The following KIF13B variants were observed in gnomAD, a reference collection of about 807,000 sequenced individuals.
KIF13B encodes the protein kinesin-like protein KIF13B.
In KIF13B, 127 loss-of-function variants were observed where a neutral mutation model predicts 222.0. The observed-to-expected ratio is 0.57, with a 90% CI of 0.50 to 0.66. KIF13B has a LOEUF of 0.66. KIF13B is among the 30% of genes least tolerant of loss of function. The probability of loss-of-function intolerance (pLI) is 0.00; values close to 1 mark genes in which losing one functional copy is unlikely to be tolerated. For synonymous variants in KIF13B, 976 were observed against 919.0 expected (o/e 1.06, Z -1.12); for missense variants, 2,173 against 2,379.0 (o/e 0.91, Z 1.80).
chr8:29,074,580 C>T (rs1807464635), intron 38 of KIF13B, among the ~76,000 whole-genome samples: 1 of 152,232 alleles, frequency 6.6e-6, no homozygotes, highest in Non-Finnish European at 1.5e-5. Context: ...ATCCTGCTGA[C>T]CAGGGACACT....
chr8:29,145,073 C>A (rs1204593571), intron 18 of KIF13B, among the ~76,000 whole-genome samples: 1 of 152,174 alleles, frequency 6.6e-6, no homozygotes, highest in Non-Finnish European at 1.5e-5. Context: ...AGAAACTAGG[C>A]CCTGAACCTT....
intron 1 of KIF13B, among the ~76,000 whole-genome samples, chr8:29,246,375 C>G (rs1440128421): frequency 1.3e-5 from 2 of 150,354 alleles, no homozygotes; most frequent in Non-Finnish European, 2.9e-5. Flanking sequence ...AAAACTCTGT[C>G]TCGGGGGAAA....
intron 31 of KIF13B, 41 bp downstream of exon 31, chr8:29,116,790 C>A: frequency 6.4e-7 from 1 of 1,558,350 alleles, no homozygotes; most frequent in Non-Finnish European, 8.7e-7. Flanking sequence ...ACCCTCAGGT[C>A]GCAACTGTGG....
chr8:29,079,326 G>T (rs1329130977), intron 37 of KIF13B, among the ~76,000 whole-genome samples: 2 of 152,130 alleles, frequency 1.3e-5, no homozygotes, highest in African/African-American at 4.8e-5. Flanking sequence ...GCGCCCACCG[G>T]CTTCGCTGTG....
At chr8:29,083,227 T>A (rs1380197668) in intron 37 of KIF13B, among the ~76,000 whole-genome samples, 1 of 152,180 alleles carries the variant, frequency 6.6e-6, no homozygotes, top group African/African-American at 2.4e-5. Flanking sequence ...ATCAAAAGAA[T>A]ATTTCATAAC....
Position 29,092,786 on chromosome 8 carries a change from C to G in KIF13B, c.4417G>C (p.Asp1473His). The change falls in exon 37 of 40, where the codon GAT becomes CAT. Residue 1473 changes from aspartate (D) to histidine (H), a missense_variant. By Grantham distance (81) the Asp-to-His change is moderately conservative. This residue lies in a region of KIF13B where 693 missense variants were observed against 656.2 expected (regional missense o/e 1.06). Transcript: ENST00000524189. ...GACGGCCGCTTGCCCCTCTTCTCAT[C>G]GCGGACGGGAAAGAGAGACTTGAGG... The part of the protein sequence containing the change: ...KLLKSLFPVR[D>H]EKRGKRPSPL... 1 of 1,613,452 alleles carries G rather than the reference C, an allele frequency of 6.2e-7. No individual in the cohort carries two copies.
intron 12 of KIF13B, among the ~76,000 whole-genome samples, chr8:29,163,605 C>G (rs549080573): frequency 3.7e-4 from 56 of 152,224 alleles, no homozygotes; most frequent in Admixed American, 1.1e-3. Context: ...TGAAAGATAT[C>G]AGTTTGGATT....
chr8:29,148,998 G>C (rs1414831049), intron 15 of KIF13B, among the ~76,000 whole-genome samples: 1 of 152,206 alleles, frequency 6.6e-6, no homozygotes, highest in African/African-American at 2.4e-5. Flanking sequence ...AGCTCAGAGT[G>C]AAAGGAAAGC....
chr8:29,193,555 G>C (rs1431454377), intron 3 of KIF13B, among the ~76,000 whole-genome samples: 1 of 152,174 alleles, frequency 6.6e-6, no homozygotes, highest in Non-Finnish European at 1.5e-5. Context: ...AAACCATCCT[G>C]ATTCTTGTAA....
At chr8:29,251,197 T>G (rs1030052228) in intron 1 of KIF13B, among the ~76,000 whole-genome samples, 2 of 152,120 alleles carry the variant, frequency 1.3e-5, no homozygotes, top group African/African-American at 4.8e-5. Context: ...GTTACAAATT[T>G]AAGCCTTAAA....
intron 14 of KIF13B, among the ~76,000 whole-genome samples, chr8:29,150,702 G>A (rs1271366819): frequency 1.3e-5 from 2 of 152,098 alleles, no homozygotes; most frequent in African/African-American, 2.4e-5. Flanking sequence ...CTCACTTCAC[G>A]TCTGTCATGG....
intron 12 of KIF13B, among the ~76,000 whole-genome samples, 187 bp from the exon 13 acceptor site, chr8:29,161,054 A>C (rs1811754945): frequency 1.3e-5 from 2 of 152,196 alleles, no homozygotes; most frequent in African/African-American, 4.8e-5. Context: ...GTTAATTCTA[A>C]TTTTATTTTG....
intron 1 of KIF13B, among the ~76,000 whole-genome samples, chr8:29,252,112 C>G (rs748838377): frequency 2.6e-5 from 4 of 152,108 alleles, no homozygotes; most frequent in Non-Finnish European, 5.9e-5. Context: ...TTTATTCCAC[C>G]AACATTAAAG....
rs1416265688 is a variant in KIF13B at position 29,191,142 on chromosome 8, A to C, written c.163-85T>G. ...ACTGATAGAACTGTTCATAATAGTG[A>C]AATAAAACAACTTACTGTCATACAA... On this transcript the variant is annotated intron_variant, in intron 3 of 39. Transcript: ENST00000524189. 4.3e-5 allele frequency: 42 copies of C among 975,928 alleles called. 1 individual carries two copies. In the South Asian group the frequency reaches 7.0e-4, roughly 16 times the overall value. The allele number at this position is 975,928 out of a possible 1,614,324, so 60.5% of individuals were successfully genotyped here.
intron 37 of KIF13B, among the ~76,000 whole-genome samples, chr8:29,079,257 G>A (rs1191816492): frequency 2.0e-5 from 3 of 152,088 alleles, no homozygotes; most frequent in African/African-American, 7.2e-5. Context: ...AGTGAATACC[G>A]ATTCATTTCT....
chr8:29,213,885 C>T (rs1384635726), intron 2 of KIF13B, among the ~76,000 whole-genome samples: 2 of 151,536 alleles, frequency 1.3e-5, no homozygotes, highest in African/African-American at 2.4e-5. Flanking sequence ...ATGCGGCAGG[C>T]GGAGGTTGCA....
chr8:29,112,372 G>T (rs1489738607), intron 32 of KIF13B, among the ~76,000 whole-genome samples: 1 of 146,596 alleles, frequency 6.8e-6, no homozygotes, highest in Non-Finnish European at 1.5e-5. Context: ...GTCGGAGGTT[G>T]CAGTGAGCCA....
chr8:29,148,866 A>T, intron 15 of KIF13B, 99 bp from the exon 16 acceptor site: 1 of 903,956 alleles, frequency 1.1e-6, no homozygotes, highest in Non-Finnish European at 1.7e-6. Context: ...AGTGGATACC[A>T]TGTAAGTACA....
chr8:29,167,388 C>T lies in KIF13B; in HGVS notation c.1143G>A (p.Gln381=). ...LREEVEKLRE[Q]LTKAEAMKSP... Reference sequence around the variant, plus strand: ...TGCCTCCTACCTCTGCTTTGGTCAGCTGCTCCCGGAGTTTCTCAACTTCTT... The same window carrying T: ...TGCCTCCTACCTCTGCTTTGGTCAGTTGCTCCCGGAGTTTCTCAACTTCTT... The change falls in exon 11 of 40, where the codon CAG becomes CAA. Residue 381 remains glutamine (Q), a synonymous_variant. Coordinates refer to ENST00000524189, the MANE Select transcript of KIF13B (RefSeq NM_015254.4). 1 of 1,612,530 alleles carries T rather than the reference C, an allele frequency of 6.2e-7. No individual in the cohort carries two copies. The highest frequency in any genetic ancestry group is 8.5e-7 in the Non-Finnish European group (1 of 1,179,720).
Sources: allele counts gnomAD v4.1 joint callset (sites outside exome capture counted in the v4.1 genomes callset), GRCh38; gene constraint gnomAD v4.1.1; regional missense constraint gnomAD v4.1.1; transcripts MANE v1.5; gene names NCBI Gene and HGNC (gene_info 2026-07-23, HGNC 2026-07-21).